EYS: variants seen among roughly 807,000 people sequenced by gnomAD.
The protein encoded by EYS is EGF-like photoreceptor maintenance factor, also known as protein eyes shut homolog.
EYS carries 250 observed loss-of-function variants against 282.1 expected under a neutral mutation model. The observed-to-expected ratio is 0.89, with a 90% CI of 0.80 to 0.98. EYS has a LOEUF of 0.98. Among genes scored for constraint, EYS ranks in the 50% least tolerant of loss-of-function variants. The pLI, the probability that EYS is intolerant of heterozygous loss-of-function variation, is 0.00. For synonymous variants in EYS, 1,355 were observed against 1,282.9 expected (o/e 1.06, Z -1.20); for missense variants, 4,016 against 3,709.0 (o/e 1.08, Z -2.15).
intron 12 of EYS, among the ~76,000 whole-genome samples, chr6:65,061,697 GT>G (rs1400902045): frequency 6.6e-6 from 1 of 151,458 alleles, no homozygotes; most frequent in Admixed American, 6.6e-5. Flanking sequence ...CCTTTTAATT[GT>G]TTAACTGAAT....
chr6:64,300,572 G>T (rs1275067615), intron 30 of EYS, among the ~76,000 whole-genome samples: 2 of 152,190 alleles, frequency 1.3e-5, no homozygotes, highest in East Asian at 1.9e-4. Context: ...CCATGAATTA[G>T]TTGAGGAGCA....
chr6:64,786,207 G>A (rs1197060528), intron 22 of EYS, among the ~76,000 whole-genome samples: 2 of 131,446 alleles, frequency 1.5e-5, no homozygotes, highest in South Asian at 2.4e-4. Flanking sequence ...TTTTTTTTTG[G>A]TTTTAAGAAG....
chr6:63,903,731 G>C (rs1309939560), intron 35 of EYS, among the ~76,000 whole-genome samples: 2 of 152,144 alleles, frequency 1.3e-5, no homozygotes, highest in African/African-American at 4.8e-5. Context: ...TCAGTCTATA[G>C]AACAGGACCC....
chr6:65,571,662 A>G (rs973867479), intron 2 of EYS, among the ~76,000 whole-genome samples: 1 of 152,044 alleles, frequency 6.6e-6, no homozygotes, highest in African/African-American at 2.4e-5. Flanking sequence ...ATGTACTATG[A>G]TCAGTTGCAT....
intron 22 of EYS, among the ~76,000 whole-genome samples, chr6:64,775,176 A>G (rs985288985): frequency 5.9e-5 from 9 of 151,994 alleles, no homozygotes; most frequent in African/African-American, 1.7e-4. Context: ...TCAGTAAAAT[A>G]TGAGTCAACA....
chr6:64,760,985 T>A (rs1052162886), intron 22 of EYS, among the ~76,000 whole-genome samples: 1 of 152,222 alleles, frequency 6.6e-6, no homozygotes, highest in Non-Finnish European at 1.5e-5. Flanking sequence ...TGTTTTTTGA[T>A]AACTTTTACT....
intron 22 of EYS, among the ~76,000 whole-genome samples, chr6:64,782,584 C>A (rs1050191098): frequency 1.3e-5 from 2 of 152,134 alleles, no homozygotes; most frequent in African/African-American, 4.8e-5. Flanking sequence ...CATTAAAAAA[C>A]TGTTCTCTTT....
At chr6:64,896,296 G>T (rs190212218) in intron 18 of EYS, among the ~76,000 whole-genome samples, 19 of 152,214 alleles carry the variant, frequency 1.2e-4, no homozygotes, top group Admixed American at 4.6e-4. Context: ...AGCAGATGCA[G>T]GGTGGGGCAC....
At chr6:65,672,026 T>A (rs1225866331) in intron 1 of EYS, among the ~76,000 whole-genome samples, 2 of 152,140 alleles carry the variant, frequency 1.3e-5, no homozygotes, top group Non-Finnish European at 2.9e-5. Flanking sequence ...CAGTTTCACC[T>A]GACTTGGCAT....
At chr6:65,565,784 T>C (rs1769258517) in intron 2 of EYS, among the ~76,000 whole-genome samples, 1 of 152,010 alleles carries the variant, frequency 6.6e-6, no homozygotes, top group Non-Finnish European at 1.5e-5. Context: ...AAGGACTAGT[T>C]CATGTCCTTT....
chr6:65,571,802 A>G (rs1764486007), intron 2 of EYS, among the ~76,000 whole-genome samples: 1 of 152,046 alleles, frequency 6.6e-6, no homozygotes, highest in African/African-American at 2.4e-5. Context: ...AAAAACAGTA[A>G]AGAAGATCCA....
At chr6:65,578,604 T>C (rs1764760091) in intron 2 of EYS, among the ~76,000 whole-genome samples, 1 of 151,896 alleles carries the variant, frequency 6.6e-6, no homozygotes, top group African/African-American at 2.4e-5. Flanking sequence ...GTGTTCTCAG[T>C]ATTAAAAAAA....
intron 28 of EYS, among the ~76,000 whole-genome samples, chr6:64,425,387 G>A (rs914268830): frequency 6.6e-6 from 1 of 152,186 alleles, no homozygotes; most frequent in Non-Finnish European, 1.5e-5. Flanking sequence ...AGGTGTGGTG[G>A]CTCACGCCTG....
intron 35 of EYS, among the ~76,000 whole-genome samples, chr6:63,984,133 A>G (rs1767237215): frequency 6.6e-6 from 1 of 151,794 alleles, no homozygotes; most frequent in African/African-American, 2.4e-5. Flanking sequence ...TGAAATTGCC[A>G]AAACCAGGTC....
intron 22 of EYS, among the ~76,000 whole-genome samples, chr6:64,673,404 C>T (rs947103175): frequency 2.3e-4 from 35 of 152,082 alleles, no homozygotes; most frequent in African/African-American, 7.7e-4. Context: ...TAAGAAGCAA[C>T]ATGTTCAATT....
At chr6:65,020,686 C>T (rs1772224343) in intron 13 of EYS, among the ~76,000 whole-genome samples, 1 of 152,184 alleles carries the variant, frequency 6.6e-6, no homozygotes, top group Non-Finnish European at 1.5e-5. Context: ...TGTGTGGGGG[C>T]TCCAACCCCA....
Position 64,534,200 on chromosome 6 carries a change from A to T in EYS, c.5644+56023T>A, listed in dbSNP as rs181828671. ...TATAAAAATAATATTAAAAATAAAA[A>T]TTGAATGCATACGAATTTAGCATGA... On this transcript the variant is annotated intron_variant, in intron 26 of 42. Transcript: ENST00000503581. Among the ~76,000 whole-genome samples the T allele has an allele frequency of 1.8e-3, 272 of 151,960 alleles. 5 individuals carry two copies. In the South Asian group the frequency reaches 0.039, roughly 22 times the overall value.
chr6:64,010,979 A>G (rs962175038), intron 33 of EYS, among the ~76,000 whole-genome samples: 2 of 151,886 alleles, frequency 1.3e-5, no homozygotes, highest in African/African-American at 4.8e-5. Context: ...GAATATATTT[A>G]TATTCCCTTA....
intron 5 of EYS, among the ~76,000 whole-genome samples, chr6:65,411,310 T>G (rs1767003015): frequency 6.6e-6 from 1 of 152,078 alleles, no homozygotes; most frequent in Non-Finnish European, 1.5e-5. Flanking sequence ...TGTGTATATT[T>G]GTCATGGCAG....
Sources: gnomAD v4.1 joint callset for allele counts (sites outside exome capture counted in the v4.1 genomes callset) on GRCh38, gnomAD v4.1.1 for gene constraint, MANE v1.5 for transcripts, NCBI Gene and HGNC (gene_info 2026-07-23, HGNC 2026-07-21) for gene names.